Variants in MYH1 observed in about 807,000 individuals in gnomAD.
MYH1 encodes myosin-1.
Under a neutral mutation model 225.6 loss-of-function variants are expected in MYH1, and 214 were observed. The observed-to-expected ratio is 0.95, with a 90% CI of 0.85 to 1.06. The LOEUF is 1.06. Ranked by LOEUF, MYH1 falls within the 50% of genes least tolerant of loss-of-function variation. The probability of loss-of-function intolerance (pLI) is 0.00; values close to 1 mark genes in which losing one functional copy is unlikely to be tolerated. For synonymous variants in MYH1, 774 were observed against 842.3 expected, an observed-to-expected ratio of 0.92 and a Z score of 1.40; for missense variants, 2,098 against 2,344.2, an observed-to-expected ratio of 0.89 and a Z score of 2.17.
At position 10,516,463 on chromosome 17, in the gene MYH1, C is replaced by T; in HGVS notation, c.180G>A (p.Val60=). 6.2e-7 allele frequency: 1 copy of T among 1,614,242 alleles called. No homozygotes were observed. Among genetic ancestry groups the T allele is most frequent in the South Asian group, 1.1e-5 (1 of 91,086 alleles). Residue 60 remains valine (V), a synonymous_variant, in exon 3 of 40, where the codon GTG becomes GTA. Transcript: ENST00000226207. ...ATVQSREGGK[V]TAKTEAGATV... ...CAGCTCCAGCTTCGGTCTTAGCTGT[C>T]ACCTTCCCCCCTTCCCTGCTCTGCA...
At chr17:10,504,707 T>C in intron 22 of MYH1, 103 bp downstream of exon 22, 1 of 1,326,834 alleles carries the variant, frequency 7.5e-7, no homozygotes, top group Non-Finnish European at 1.0e-6. Flanking sequence ...TTATTAAAGA[T>C]TCATAATCTG....
chr17:10,510,136 C>T (rs1312047344), intron 14 of MYH1, among the ~76,000 whole-genome samples: 2 of 151,952 alleles, frequency 1.3e-5, no homozygotes, highest in African/African-American at 4.8e-5. Flanking sequence ...CACATGGACC[C>T]CTGAACTTAA....
chr17:10,513,980 G>T (rs1324928164), intron 7 of MYH1, 30 bp downstream of exon 7: 2 of 1,613,994 alleles, frequency 1.2e-6, no homozygotes, highest in South Asian at 2.2e-5. Flanking sequence ...TCCCGACAGA[G>T]CCTGGATTCT....
rs1399199975 is a variant in MYH1 at position 10,502,838 on chromosome 17, T to C, written c.3011A>G (p.Gln1004Arg). 1 of 1,614,100 alleles carries C rather than the reference T, an allele frequency of 6.2e-7. No individual in the cohort carries two copies. Among genetic ancestry groups the C allele is most frequent in the Admixed American group, 1.7e-5 (1 of 60,018 alleles). The change falls in exon 24 of 40, where the codon CAG becomes CGG. Residue 1004 changes from glutamine (Q) to arginine (R), a missense_variant. Gln to Arg is a conservative substitution (Grantham distance 43). Coordinates refer to ENST00000226207, the MANE Select transcript of MYH1 (RefSeq NM_005963.4). ...AKLTKEKKAL[Q>R]EAHQQTLDDL... is the part of the protein sequence containing the mutation. ...ATCCAGGGTCTGCTGGTGGGCCTCC[T>C]GGAGAGCCTTCTTCTCCTTGGTCAG...
In MYH1 at chr17:10,516,246, C is replaced by G. The variant is rs760383904; in HGVS notation, c.301G>C (p.Ala101Pro). 6.2e-7 allele frequency: 1 copy of G among 1,614,214 alleles called. No individual in the cohort carries two copies. Among genetic ancestry groups the G allele is most frequent in the South Asian group, 1.1e-5 (1 of 91,080 alleles). Reference sequence around the variant, plus strand: ...CGCTCTTTGAGGTTGTACAGCACAGCAGGCTCGTGTAGATGAGTCATCATG... The same window carrying G: ...CGCTCTTTGAGGTTGTACAGCACAGGAGGCTCGTGTAGATGAGTCATCATG... ...MAMMTHLHEPAVLYNLKERYA... is the reference protein window; with the variant it reads ...MAMMTHLHEPPVLYNLKERYA... Residue 101 changes from alanine (A) to proline (P), a missense_variant, in exon 4 of 40, where the codon GCT becomes CCT. Physicochemically the swap from Ala to Pro is conservative, Grantham distance 27 (BLOSUM62 -1). Transcript: ENST00000226207.
Position 10,509,650 on chromosome 17 carries a change from G to T in MYH1, c.1422C>A (p.Asn474Lys). ...DIAGFEIFDF[N>K]SLEQLCINFT... ...AGTTGATGCACAGCTGCTCCAGGCT[G>T]TTGAACTAAATGAGTTGAAAATACA... is the stretch of plus-strand genomic sequence containing the variant. The change falls in exon 15 of 40, where the codon AAC (asparagine) becomes AAA (lysine). Residue 474 changes from asparagine (N) to lysine (K), a missense_variant. Transcript: ENST00000226207. 1 of 1,614,186 alleles carries T rather than the reference G, an allele frequency of 6.2e-7. No homozygotes were observed. The highest frequency in any genetic ancestry group is 8.5e-7 in the Non-Finnish European group (1 of 1,180,034).
chr17:10,514,873 C>G lies in MYH1; in HGVS notation c.528G>C (p.Leu176Phe), dbSNP rs2073209627. The change falls in exon 6 of 40, where the codon TTG (leucine) becomes TTC (phenylalanine). Residue 176 changes from leucine (L) to phenylalanine (F), a missense_variant. By Grantham distance (22) the Leu-to-Phe change is conservative (BLOSUM62 0). Coordinates refer to ENST00000226207, the MANE Select transcript of MYH1 (RefSeq NM_005963.4). ...CTCAGAATAGGAATACATACGTGAT[C>G]AAGATAGACTGATTCTCCCGATCTA... ...MLTDRENQSILITGESGAGKT... is the reference protein window; with the variant it reads ...MLTDRENQSIFITGESGAGKT... 6.2e-7 allele frequency: 1 copy of G among 1,612,376 alleles called. No homozygotes were observed. The highest frequency in any genetic ancestry group is 1.3e-5 in the African/African-American group (1 of 74,908).
intron 37 of MYH1, 59 bp from the exon 38 acceptor site, chr17:10,494,732 G>T: frequency 6.2e-7 from 1 of 1,606,178 alleles, no homozygotes; most frequent in South Asian, 1.1e-5. Context: ...TTCTTCACAT[G>T]ACCCACATAC....
intron 23 of MYH1, 37 bp from the exon 24 acceptor site, chr17:10,502,951 G>A (rs781206734): frequency 1.3e-5 from 21 of 1,614,018 alleles, no homozygotes; most frequent in Non-Finnish European, 1.8e-5. Flanking sequence ...TTGCTCTAAA[G>A]CACCTTTGTT....
rs960038147 is a variant in MYH1, at chr17:10,494,783, T to C, written c.5467-110A>G. 3.8e-6 allele frequency: 6 copies of C among 1,583,130 alleles called. No individual in the cohort carries two copies. In the African/African-American group the frequency reaches 8.1e-5, roughly 21 times the overall value. On this transcript the variant is annotated intron_variant, in intron 37 of 39. Transcript: ENST00000226207. ...TTATATGTAGTTTTTAATGCCCTAGTTCAGTTTTCCTTATTATGAGCTTTT... is the reference window on the plus strand; with the variant it reads ...TTATATGTAGTTTTTAATGCCCTAGCTCAGTTTTCCTTATTATGAGCTTTT...
chr17:10,517,578 C>T lies in MYH1; in HGVS notation c.-41+662G>A, dbSNP rs28410140. Among the ~76,000 whole-genome samples the T allele has an allele frequency of 5.1e-3, 772 of 152,126 alleles. 7 individuals are homozygous for T. The highest frequency in any genetic ancestry group is 0.018 in the African/African-American group (740 of 41,486). ...TTCTACTTTATAATAATAAAGATAC[C>T]TTTTCCAGGGAAGCTCATTTGGATA... is the stretch of plus-strand genomic sequence containing the variant. On this transcript the variant is annotated intron_variant, in intron 2 of 39. Transcript: ENST00000226207.
chr17:10,508,743 A>T, intron 15 of MYH1, 71 bp from the exon 16 acceptor site: 1 of 1,547,342 alleles, frequency 6.5e-7, no homozygotes. Flanking sequence ...TAACATTAAT[A>T]ATTATCCCAT....
chr17:10,507,283 G>T (rs1225972762), intron 17 of MYH1, among the ~76,000 whole-genome samples: 2 of 152,064 alleles, frequency 1.3e-5, no homozygotes, highest in Admixed American at 6.6e-5. Flanking sequence ...GGCTAGTCTC[G>T]AACTCCTGGC....
intron 31 of MYH1, 57 bp downstream of exon 31, chr17:10,497,677 G>T: frequency 1.3e-6 from 2 of 1,599,182 alleles, no homozygotes; most frequent in Admixed American, 1.7e-5. Flanking sequence ...CACACTGAAG[G>T]TAGCAGGCTA....
intron 39 of MYH1, among the ~76,000 whole-genome samples, chr17:10,493,188 C>A (rs189593922): frequency 4.5e-4 from 69 of 152,256 alleles, no homozygotes; most frequent in African/African-American, 1.6e-3. Flanking sequence ...AGCTTAGAAT[C>A]ATTAAATAGT....
chr17:10,507,978 T>C (rs761623474), intron 16 of MYH1, 22 bp from the exon 17 acceptor site: 2 of 1,576,754 alleles, frequency 1.3e-6, no homozygotes, highest in African/African-American at 1.4e-5. Context: ...AAGAAAGCAA[T>C]CATAGGACAG....
intron 27 of MYH1, 138 bp from the exon 28 acceptor site, chr17:10,500,890 A>G: frequency 1.4e-6 from 2 of 1,403,116 alleles, no homozygotes; most frequent in Non-Finnish European, 1.9e-6. Context: ...AAACCAGCAA[A>G]GGTCTTAGAT....
chr17:10,512,198 G>A lies in MYH1; in HGVS notation c.1148-6C>T, dbSNP rs1213022913. 6.2e-7 allele frequency: 1 copy of A among 1,611,816 alleles called. No homozygotes were observed. Among genetic ancestry groups the A allele is most frequent in the Non-Finnish European group, 8.5e-7 (1 of 1,178,068 alleles). On this transcript the variant is annotated splice_polypyrimidine_tract_variant and splice_region_variant and intron_variant, in intron 12 of 39. Transcript: ENST00000226207. The stretch of plus-strand genomic sequence containing the variant: ...ATAGGCTGCCTTGTCAGCAACTGCA[G>A]AAACATAATTCAGATACCTAATATG...
At chr17:10,492,659 A>G in intron 39 of MYH1, 91 bp from the exon 40 acceptor site, 1 of 1,365,038 alleles carries the variant, frequency 7.3e-7, no homozygotes, top group South Asian at 1.5e-5. Context: ...TTACTTAAAA[A>G]TGATTCACTC....
Sources: gnomAD v4.1 joint callset for allele counts (sites outside exome capture counted in the v4.1 genomes callset) on GRCh38, gnomAD v4.1.1 for gene constraint, MANE v1.5 for transcripts, NCBI Gene and HGNC (gene_info 2026-07-23, HGNC 2026-07-21) for gene names.